Variants in KIF9 observed in about 807,000 individuals in gnomAD.
KIF9 encodes kinesin-like protein KIF9.
KIF9 carries 68 observed loss-of-function variants against 94.8 expected under a neutral mutation model. The observed-to-expected ratio is 0.72, with a 90% CI of 0.59 to 0.88. KIF9 has a LOEUF of 0.88. Among genes scored for constraint, KIF9 ranks in the 40% least tolerant of loss-of-function variants. The pLI is 0.00. For synonymous variants in KIF9, 343 were observed against 362.1 expected (o/e 0.95, Z 0.60); for missense variants, 882 against 982.5 (o/e 0.90, Z 1.37).
chr3:47,276,967 CAAT>C (rs5848827), intron 2 of KIF9: 108,954 of 209,086 alleles, frequency 0.52, 30,002 homozygotes, highest in Non-Finnish European at 0.6. Flanking sequence ...GGCGATTATA[CAAT>C]GACAGATCAA....
Position 47,244,955 on chromosome 3 carries a change from A to G in KIF9, c.1381-31T>C, listed in dbSNP as rs751585587. On this transcript the variant is annotated intron_variant, in intron 14 of 20. Coordinates refer to ENST00000684063, the MANE Select transcript of KIF9 (RefSeq NM_182902.4). The stretch of plus-strand genomic sequence containing the variant: ...TAGAGAGGCCAGCCAAAGGTCTGTG[A>G]GTTAGATTAAGGGCTTGGACCCCTT... 5 of 1,612,882 alleles carry G rather than the reference A, an allele frequency of 3.1e-6. No individual in the cohort carries two copies. The African/African-American group carries it at 5.3e-5, about 17-fold the overall frequency.
intron 9 of KIF9, among the ~76,000 whole-genome samples, chr3:47,262,498 T>G (rs1265374506): frequency 1.3e-5 from 2 of 152,000 alleles, no homozygotes; most frequent in Non-Finnish European, 2.9e-5. Context: ...TCAAACTCCT[T>G]ACCTCAAGGA....
rs187110440 is a variant in KIF9 at position 47,237,627 on chromosome 3, C to T, written c.1925-1008G>A. 1.9e-3 allele frequency among the ~76,000 whole-genome samples: 297 copies of T among 152,316 alleles called. 3 individuals are homozygous for T. Among genetic ancestry groups the T allele is most frequent in the African/African-American group, 6.5e-3 (271 of 41,552 alleles). On this transcript the variant is annotated intron_variant, in intron 17 of 20. Coordinates refer to ENST00000684063, the MANE Select transcript of KIF9 (RefSeq NM_182902.4). Reference sequence around the variant, plus strand: ...AGCTTAGCAAAGGCATCACATCAACCGCCATCCCCAAGTGTAGGGTAAGTG... The same window carrying T: ...AGCTTAGCAAAGGCATCACATCAACTGCCATCCCCAAGTGTAGGGTAAGTG...
chr3:47,235,473 G>A, intron 20 of KIF9, 40 bp downstream of exon 20: 1 of 1,386,746 alleles, frequency 7.2e-7, no homozygotes, highest in African/African-American at 1.4e-5. Flanking sequence ...CCTAGTCACT[G>A]AGGCCCCCAT....
chr3:47,276,583 A>G (rs920647789), intron 2 of KIF9, among the ~76,000 whole-genome samples: 11 of 151,756 alleles, frequency 7.2e-5, no homozygotes, highest in Non-Finnish European at 1.3e-4. Context: ...AAGAAAAGAA[A>G]GAAAGAAAGA....
intron 16 of KIF9, among the ~76,000 whole-genome samples, chr3:47,241,998 C>T (rs890109317): frequency 6.6e-6 from 1 of 151,230 alleles, no homozygotes. Context: ...ATTCTCATGC[C>T]TCAGCCTCCT....
chr3:47,268,322 A>AG (rs1176863055), intron 5 of KIF9, among the ~76,000 whole-genome samples: 1 of 152,132 alleles, frequency 6.6e-6, no homozygotes, highest in Non-Finnish European at 1.5e-5. Context: ...AAGGTCCTTG[A>AG]GGGATAGACT....
At chr3:47,248,806 C>T (rs973681087) in intron 10 of KIF9, among the ~76,000 whole-genome samples, 2 of 151,932 alleles carry the variant, frequency 1.3e-5, no homozygotes, top group African/African-American at 4.8e-5. Context: ...TGCAGTGTCA[C>T]CATCATGGCT....
intron 5 of KIF9, among the ~76,000 whole-genome samples, chr3:47,267,891 GGA>G (rs1559461070): frequency 7.2e-6 from 1 of 138,816 alleles, no homozygotes; most frequent in Non-Finnish European, 1.5e-5. Context: ...TTTTTTTTTG[GGA>G]GAGCATCTCA....
chr3:47,262,543 G>C (rs1701046699), intron 9 of KIF9, among the ~76,000 whole-genome samples: 1 of 152,150 alleles, frequency 6.6e-6, no homozygotes, highest in Non-Finnish European at 1.5e-5. Flanking sequence ...AAAGTGCTCG[G>C]ATTACAGGCA....
chr3:47,275,498 A>C lies in KIF9; in HGVS notation c.94-8T>G, dbSNP rs144845995. On this transcript the variant is annotated splice_polypyrimidine_tract_variant and splice_region_variant and intron_variant, in intron 2 of 20. Transcript: ENST00000684063. ...TAAGTGAATATCAATGCTCTAGGAA[A>C]AAAGAGTGAGAAAGAAAAAAATGTT... The C allele has an allele frequency of 2.4e-4, 381 of 1,591,118 alleles. 3 individuals are homozygous for C. In the African/African-American group the frequency reaches 4.4e-3, roughly 19 times the overall value.
chr3:47,248,606 C>T (rs190923477), intron 10 of KIF9, among the ~76,000 whole-genome samples: 23 of 152,174 alleles, frequency 1.5e-4, no homozygotes, highest in African/African-American at 5.5e-4. Context: ...CCACACCTGG[C>T]TAATTTTTAT....
chr3:47,278,778 C>T (rs993110770), intron 1 of KIF9, among the ~76,000 whole-genome samples: 2 of 151,970 alleles, frequency 1.3e-5, no homozygotes, highest in African/African-American at 4.8e-5. Context: ...TCAAGACCAG[C>T]CTGGCCAACA....
chr3:47,238,761 A>G (rs1699242424), intron 17 of KIF9, among the ~76,000 whole-genome samples: 1 of 151,968 alleles, frequency 6.6e-6, no homozygotes, highest in South Asian at 2.1e-4. Flanking sequence ...CCCGGGTTTT[A>G]CACCATTCTC....
chr3:47,232,302 T>G (rs116794989), intron 20 of KIF9, among the ~76,000 whole-genome samples: 3,718 of 152,150 alleles, frequency 0.024, 59 homozygotes, highest in Middle Eastern at 0.037. Flanking sequence ...GTTTTGTTTT[T>G]TTTACGGAGT....
rs770173205 is a variant in KIF9, at chr3:47,265,768, C to T, written c.878G>A (p.Arg293Gln). The T allele has an allele frequency of 5.6e-6, 9 of 1,614,000 alleles. No individual in the cohort carries two copies. The highest frequency in any genetic ancestry group is 4.5e-5 in the East Asian group (2 of 44,898). The change falls in exon 8 of 21, where the codon CGG becomes CAG. Residue 293 changes from arginine (R) to glutamine (Q), a missense_variant. By Grantham distance (43) the Arg-to-Gln change is conservative. Coordinates refer to ENST00000684063, the MANE Select transcript of KIF9 (RefSeq NM_182902.4). The stretch of plus-strand genomic sequence containing the variant: ...CAGAGCGTGGGTGAGCTTGCACTGC[C>T]GAAAGGGGATGTGGTCCCGCTTCTG... ...GDQKRDHIPF[R>Q]QCKLTHALKD...
At position 47,255,409 on chromosome 3, in the gene KIF9, C is replaced by T. The variant is rs6768221; in HGVS notation, c.1059+2074G>A. On this transcript the variant is annotated intron_variant, in intron 10 of 20. Transcript: ENST00000684063. ...CTGATTGGCCAGCTGTTTACTGGGACGAAAGAGATTCTGTAGTGACATAGC... is the reference window on the plus strand; with the variant it reads ...CTGATTGGCCAGCTGTTTACTGGGATGAAAGAGATTCTGTAGTGACATAGC... Among the ~76,000 whole-genome samples, 108 of 152,098 alleles carry T rather than the reference C, an allele frequency of 7.1e-4. 1 individual carries two copies. Among genetic ancestry groups the T allele is most frequent in the Admixed American group, 2.7e-3 (42 of 15,286 alleles).
chr3:47,248,328 T>C (rs1700058543), intron 10 of KIF9: 2 of 497,342 alleles, frequency 4.0e-6, no homozygotes, highest in Admixed American at 7.3e-5. Context: ...CTACTGCCAG[T>C]AGAAGAGACA....
At chr3:47,253,403 G>A (rs767468290) in intron 10 of KIF9, among the ~76,000 whole-genome samples, 52 of 152,090 alleles carry the variant, frequency 3.4e-4, no homozygotes, top group Non-Finnish European at 4.6e-4. Flanking sequence ...TGACCCGCCT[G>A]CCTCAGCCTC....
Sources: allele counts gnomAD v4.1 joint callset (sites outside exome capture counted in the v4.1 genomes callset), GRCh38; gene constraint gnomAD v4.1.1; transcripts MANE v1.5; gene names NCBI Gene and HGNC (gene_info 2026-07-23, HGNC 2026-07-21).